Variants in CPNE5 observed in about 807,000 individuals in gnomAD.
CPNE5 encodes copine-5.
A neutral mutation model predicts 81.1 loss-of-function variants in CPNE5; 42 were observed. The ratio of observed to expected loss-of-function variants is 0.52; its 90% confidence interval spans 0.40 to 0.67. The LOEUF is 0.67. Among genes scored for constraint, CPNE5 ranks in the 30% least tolerant of loss-of-function variants. The pLI is 0.00. For synonymous variants in CPNE5, 313 were observed against 321.5 expected (o/e 0.97, Z 0.28); for missense variants, 612 against 815.5 (o/e 0.75, Z 3.04).
chr6:36,831,720 T>C (rs960713834), intron 1 of CPNE5, among the ~76,000 whole-genome samples: 1 of 151,958 alleles, frequency 6.6e-6, no homozygotes, highest in Non-Finnish European at 1.5e-5. Context: ...GTCAGTAGTG[T>C]TCAGTTATTG....
At chr6:36,745,870 A>G (rs1764099117) in intron 16 of CPNE5, among the ~76,000 whole-genome samples, 1 of 152,122 alleles carries the variant, frequency 6.6e-6, no homozygotes, top group South Asian at 2.1e-4. Flanking sequence ...CCACGTGCAC[A>G]CTGGGCCCAG....
Position 36,741,229 on chromosome 6 carries a change from T to A in CPNE5, c.*1039A>T, listed in dbSNP as rs1562075478. ...TGGGGGGAACTGGGCATGGGATGAA[T>A]GACCCTCAGGATGTCAGACCTAAAG... On this transcript the variant is annotated 3_prime_UTR_variant, in exon 21 of 21. Transcript: ENST00000244751. 6.6e-6 allele frequency: 1 copy of A among 152,246 alleles called. No individual in the cohort carries two copies. The highest frequency in any genetic ancestry group is 2.4e-5 in the African/African-American group (1 of 41,440). 9.4% of individuals were successfully genotyped at this position (152,246 alleles called of 1,614,324 possible). A position where few individuals can be genotyped will look rare whatever the true frequency, so the allele number is the denominator to read the frequency against.
intron 14 of CPNE5, among the ~76,000 whole-genome samples, chr6:36,748,758 C>T (rs1582706070): frequency 6.6e-6 from 1 of 152,284 alleles, no homozygotes; most frequent in East Asian, 1.9e-4. Context: ...CTGATTGAGG[C>T]TCCAGAGCTG....
At chr6:36,795,238 G>T (rs1769458228) in intron 6 of CPNE5, among the ~76,000 whole-genome samples, 1 of 152,118 alleles carries the variant, frequency 6.6e-6, no homozygotes, top group South Asian at 2.1e-4. Context: ...GAGTGCAGTG[G>T]CGTGATCTCG....
rs59135045 is a variant in CPNE5, at chr6:36,750,684, G to T, written c.971+2350C>A. Among the ~76,000 whole-genome samples the T allele has an allele frequency of 8.7e-3, 1,321 of 152,334 alleles. 12 individuals carry two copies. Among genetic ancestry groups the T allele is most frequent in the African/African-American group, 0.026 (1,099 of 41,566 alleles). On this transcript the variant is annotated intron_variant, in intron 14 of 20. Coordinates refer to ENST00000244751, the MANE Select transcript of CPNE5 (RefSeq NM_020939.2). ...TGTCACCCCCGCTTCAGTGTGGAAT[G>T]TAGAACGCATGTCTTTGTTAGAGGT...
chr6:36,834,925 C>G lies in CPNE5; in HGVS notation c.95+4358G>C, dbSNP rs1408765014. Among the ~76,000 whole-genome samples the G allele has an allele frequency of 2.0e-5, 3 of 152,166 alleles. No individual in the cohort carries two copies. In the East Asian group the frequency reaches 5.8e-4, roughly 29 times the overall value. Reference sequence around the variant, plus strand: ...GAAAGCGCTCAGAGCTGTTCACACCCCTTCTGAGAGACCCAGGGCACAGCT... The same window carrying G: ...GAAAGCGCTCAGAGCTGTTCACACCGCTTCTGAGAGACCCAGGGCACAGCT... On this transcript the variant is annotated intron_variant, in intron 1 of 20. Coordinates refer to ENST00000244751, the MANE Select transcript of CPNE5 (RefSeq NM_020939.2).
At chr6:36,815,373 T>C (rs959367217) in intron 3 of CPNE5, among the ~76,000 whole-genome samples, 3 of 152,192 alleles carry the variant, frequency 2.0e-5, no homozygotes, top group Admixed American at 6.5e-5. Flanking sequence ...TGTGTCCCTC[T>C]GAAATTCACG....
At chr6:36,839,461 C>T, upstream of CPNE5, 4 of 1,179,748 alleles carry the variant, frequency 3.4e-6, no homozygotes, top group Non-Finnish European at 4.7e-6. This position sits in a 1 kb window ranked among gnomAD's most constrained non-coding sequence, Gnocchi z 7.3. Flanking sequence ...CTGGGCTCTC[C>T]CCCAACTCCA....
intron 13 of CPNE5, chr6:36,755,425 A>T (rs1187811147): frequency 2.0e-5 from 3 of 152,192 alleles, no homozygotes; most frequent in African/African-American, 7.2e-5. Flanking sequence ...CCCTTTCCCC[A>T]GTATCCTCAA....
At chr6:36,763,630 T>C (rs1766272791) in intron 11 of CPNE5, among the ~76,000 whole-genome samples, 1 of 151,424 alleles carries the variant, frequency 6.6e-6, no homozygotes, top group Non-Finnish European at 1.5e-5. Flanking sequence ...AAGAATATTG[T>C]TCAATGTGTC....
At chr6:36,817,740 C>T (rs2150576343) in intron 3 of CPNE5, among the ~76,000 whole-genome samples, 1 of 152,272 alleles carries the variant, frequency 6.6e-6, no homozygotes, top group South Asian at 2.1e-4. Flanking sequence ...ACTGAGGTTC[C>T]ACCAATGGGA....
At chr6:36,780,790 G>T (rs1157525195) in intron 8 of CPNE5, among the ~76,000 whole-genome samples, 1 of 152,068 alleles carries the variant, frequency 6.6e-6, no homozygotes, top group East Asian at 1.9e-4. Flanking sequence ...GTCTGTGTAG[G>T]ACAGTCACTG....
intron 8 of CPNE5, among the ~76,000 whole-genome samples, chr6:36,785,775 G>A (rs943183819): frequency 6.6e-6 from 1 of 152,132 alleles, no homozygotes; most frequent in Non-Finnish European, 1.5e-5. Flanking sequence ...CACTTTGGGA[G>A]GCCAAGGTGG....
chr6:36,751,711 C>T (rs566297734), intron 14 of CPNE5, among the ~76,000 whole-genome samples: 2 of 152,314 alleles, frequency 1.3e-5, no homozygotes, highest in South Asian at 2.1e-4. Context: ...AGGAGAATTG[C>T]TTGAACCCAG....
At chr6:36,782,294 A>G (rs1768097380) in intron 8 of CPNE5, among the ~76,000 whole-genome samples, 1 of 152,202 alleles carries the variant, frequency 6.6e-6, no homozygotes, top group Non-Finnish European at 1.5e-5. Flanking sequence ...CTGGTTGACT[A>G]TAAAATGCAT....
intron 1 of CPNE5, among the ~76,000 whole-genome samples, chr6:36,838,332 C>T (rs1773712928): frequency 6.6e-6 from 1 of 152,212 alleles, no homozygotes; most frequent in Non-Finnish European, 1.5e-5. Context: ...GGGGGCATGG[C>T]CTCTGTGGGG....
At chr6:36,819,787 C>T (rs963017270) in intron 3 of CPNE5, among the ~76,000 whole-genome samples, 2 of 152,140 alleles carry the variant, frequency 1.3e-5, no homozygotes, top group African/African-American at 4.8e-5. Flanking sequence ...AGACCCCAGG[C>T]GGAGTCTCTG....
At chr6:36,824,994 GAGGATCT>G (rs1772378139) in intron 1 of CPNE5, among the ~76,000 whole-genome samples, 1 of 152,128 alleles carries the variant, frequency 6.6e-6, no homozygotes, top group Admixed American at 6.5e-5. Flanking sequence ...AGGCCCTGAG[GAGGATCT>G]GTTCCTCTTT....
chr6:36,795,661 T>C (rs1356239336), intron 6 of CPNE5, among the ~76,000 whole-genome samples: 1 of 152,234 alleles, frequency 6.6e-6, no homozygotes, highest in Non-Finnish European at 1.5e-5. Context: ...ATGAACTCTG[T>C]TGACATCTTG....
Sources: gnomAD v4.1 joint callset for allele counts (sites outside exome capture counted in the v4.1 genomes callset) on GRCh38, gnomAD v4.1.1 for gene constraint, Gnocchi (gnomAD v3.1) non-coding constraint, MANE v1.5 for transcripts, NCBI Gene and HGNC (gene_info 2026-07-23, HGNC 2026-07-21) for gene names.